Variants in GRIA4 observed in about 807,000 individuals in gnomAD.
GRIA4 encodes the protein glutamate receptor 4.
In GRIA4, 34 loss-of-function variants were observed where a neutral mutation model predicts 104.0. The observed-to-expected ratio is 0.33, with a 90% CI of 0.25 to 0.44. GRIA4 has a LOEUF of 0.44. Ranked by LOEUF, GRIA4 falls within the 20% of genes least tolerant of loss-of-function variation. The pLI, the probability that GRIA4 is intolerant of heterozygous loss-of-function variation, is 1.00. For missense variants in GRIA4, 750 were observed against 1,096.5 expected (o/e 0.68, Z 4.46); for synonymous variants, 386 against 381.9 (o/e 1.01, Z -0.13).
chr11:105,838,769 G>A (rs1277644635), intron 4 of GRIA4, among the ~76,000 whole-genome samples: 1 of 152,102 alleles, frequency 6.6e-6, no homozygotes, highest in African/African-American at 2.4e-5. Context: ...ACTCTTAAAG[G>A]AGTCTCTAAT....
rs114957709 is a variant in GRIA4 at position 105,836,679 on chromosome 11, T to C, written c.488-25345T>C. ...AGCTTGTAAGTCCCACAACCAAAGT[T>C]TCTGATTCAATAAATCTGGTATAGA... is the stretch of plus-strand genomic sequence containing the variant. On this transcript the variant is annotated intron_variant, in intron 4 of 16. Coordinates refer to ENST00000282499, the MANE Select transcript of GRIA4 (RefSeq NM_000829.4). Among the ~76,000 whole-genome samples the C allele has an allele frequency of 3.3e-3, 496 of 152,302 alleles. 3 individuals carry two copies. Among genetic ancestry groups the C allele is most frequent in the African/African-American group, 0.011 (467 of 41,576 alleles).
chr11:105,930,556 T>C (rs184991728), intron 13 of GRIA4, among the ~76,000 whole-genome samples: 1 of 151,758 alleles, frequency 6.6e-6, no homozygotes, highest in Non-Finnish European at 1.5e-5. Flanking sequence ...TACTAATATA[T>C]AGAAATGGAC....
At chr11:105,627,100 T>C (rs1950904538) in intron 3 of GRIA4, among the ~76,000 whole-genome samples, 1 of 152,152 alleles carries the variant, frequency 6.6e-6, no homozygotes. Flanking sequence ...TCACCTCTCA[T>C]AGGTGTTGGG....
chr11:105,681,187 T>C (rs1040890536), intron 3 of GRIA4, among the ~76,000 whole-genome samples: 17 of 152,208 alleles, frequency 1.1e-4, no homozygotes, highest in African/African-American at 3.9e-4. Flanking sequence ...CACTATTTTG[T>C]AAAGCAAATA....
chr11:105,910,465 G>A lies in GRIA4; in HGVS notation c.1189G>A (p.Val397Ile). 1 of 1,593,804 alleles carries A rather than the reference G, an allele frequency of 6.3e-7. No individual in the cohort carries two copies. Among genetic ancestry groups the A allele is most frequent in the Non-Finnish European group, 8.6e-7 (1 of 1,161,626 alleles). Reference protein sequence around the residue: ...VGYWNDMDKLVLIQDVPTLGN... With the variant: ...VGYWNDMDKLILIQDVPTLGN... ...TTACTGGAATGATATGGATAAGTTAGTCTTGATTCAAGATGTACCAACTCT... is the reference window on the plus strand; with the variant it reads ...TTACTGGAATGATATGGATAAGTTAATCTTGATTCAAGATGTACCAACTCT... The change falls in exon 10 of 17, where the codon GTC (valine) becomes ATC (isoleucine). Residue 397 changes from valine (V) to isoleucine (I), a missense_variant. Coordinates refer to ENST00000282499, the MANE Select transcript of GRIA4 (RefSeq NM_000829.4).
At chr11:105,916,288 G>A (rs1419504600) in intron 10 of GRIA4, among the ~76,000 whole-genome samples, 1 of 152,132 alleles carries the variant, frequency 6.6e-6, no homozygotes, top group African/African-American at 2.4e-5. Context: ...ACCTCCCTGA[G>A]TCTTCACTGT....
At chr11:105,841,832 C>A (rs1944404810) in intron 4 of GRIA4, among the ~76,000 whole-genome samples, 1 of 152,082 alleles carries the variant, frequency 6.6e-6, no homozygotes, top group Non-Finnish European at 1.5e-5. Flanking sequence ...GTCTTATTCT[C>A]CCCATAAGAA....
At chr11:105,835,360 G>C (rs1003236050) in intron 4 of GRIA4, among the ~76,000 whole-genome samples, 2 of 151,860 alleles carry the variant, frequency 1.3e-5, no homozygotes, top group African/African-American at 4.8e-5. Flanking sequence ...ATTATACAAA[G>C]GTCGAAATCT....
At chr11:105,630,862 G>C (rs1417236482) in intron 3 of GRIA4, among the ~76,000 whole-genome samples, 1 of 152,176 alleles carries the variant, frequency 6.6e-6, no homozygotes, top group South Asian at 2.1e-4. Context: ...TATAATGAGA[G>C]TCTTCAAGTG....
chr11:105,842,824 T>C (rs748864937), intron 4 of GRIA4: 40 of 152,272 alleles, frequency 2.6e-4, no homozygotes, highest in African/African-American at 9.1e-4. Flanking sequence ...GATCAACCAA[T>C]TGGTGAAGGA....
At chr11:105,845,544 G>C (rs1405883020) in intron 4 of GRIA4, among the ~76,000 whole-genome samples, 1 of 152,100 alleles carries the variant, frequency 6.6e-6, no homozygotes, top group Non-Finnish European at 1.5e-5. Context: ...TCTGCCCCTA[G>C]ATTTGCTAAT....
At chr11:105,884,173 G>A (rs1946169897) in intron 5 of GRIA4, among the ~76,000 whole-genome samples, 1 of 152,222 alleles carries the variant, frequency 6.6e-6, no homozygotes, top group African/African-American at 2.4e-5. Context: ...CCTGGGCATT[G>A]TTTTCCCATG....
At chr11:105,819,410 C>T (rs1256464270) in intron 4 of GRIA4, among the ~76,000 whole-genome samples, 1 of 152,130 alleles carries the variant, frequency 6.6e-6, no homozygotes, top group Non-Finnish European at 1.5e-5. Flanking sequence ...CATAACAGTA[C>T]TCAGCACATA....
intron 7 of GRIA4, among the ~76,000 whole-genome samples, chr11:105,902,802 T>G (rs1232822274): frequency 1.3e-5 from 2 of 152,164 alleles, no homozygotes; most frequent in African/African-American, 4.8e-5. Flanking sequence ...AAGGAGATAA[T>G]GTAGTTTTTG....
rs187291327 is a variant in GRIA4 at position 105,923,825 on chromosome 11, C to T, written c.1477-574C>T. Among the ~76,000 whole-genome samples, 477 of 152,170 alleles carry T rather than the reference C, an allele frequency of 3.1e-3. 4 individuals are homozygous for T. The highest frequency in any genetic ancestry group is 0.011 in the African/African-American group (453 of 41,514). On this transcript the variant is annotated intron_variant, in intron 11 of 16. Transcript: ENST00000282499. ...CAATTTCCAGATTTTTGTGTGTGTGCTGAATTGGAAAATATCGTCAAACAA... is the reference window on the plus strand; with the variant it reads ...CAATTTCCAGATTTTTGTGTGTGTGTTGAATTGGAAAATATCGTCAAACAA...
At chr11:105,663,890 T>C (rs1952086062) in intron 3 of GRIA4, among the ~76,000 whole-genome samples, 1 of 151,668 alleles carries the variant, frequency 6.6e-6, no homozygotes, top group Non-Finnish European at 1.5e-5. Context: ...TGCTCAACTT[T>C]TCATTCGTCT....
intron 3 of GRIA4, among the ~76,000 whole-genome samples, chr11:105,619,220 T>C (rs746904887): frequency 2.0e-5 from 3 of 151,946 alleles, no homozygotes; most frequent in African/African-American, 7.2e-5. Context: ...GGCAGCCTGA[T>C]AGTGGGCAAG....
chr11:105,978,589 G>A (rs983686332), intron 16 of GRIA4, among the ~76,000 whole-genome samples: 1 of 151,774 alleles, frequency 6.6e-6, no homozygotes, highest in Admixed American at 6.6e-5. Flanking sequence ...TAAGCTCCAG[G>A]GCAGAATAAA....
At chr11:105,886,967 A>C (rs1372760796) in intron 5 of GRIA4, among the ~76,000 whole-genome samples, 1 of 151,122 alleles carries the variant, frequency 6.6e-6, no homozygotes. Flanking sequence ...TCTTTTTGTA[A>C]TTATAAGAAA....
Sources: allele counts gnomAD v4.1 joint callset (sites outside exome capture counted in the v4.1 genomes callset), GRCh38; gene constraint gnomAD v4.1.1; transcripts MANE v1.5; gene names NCBI Gene and HGNC (gene_info 2026-07-23, HGNC 2026-07-21).